Variants in STK3 observed in about 807,000 individuals in gnomAD.
The protein encoded by STK3 is serine/threonine kinase 3.
Under a neutral mutation model 58.0 loss-of-function variants are expected in STK3, and 41 were observed. That is an observed-to-expected ratio of 0.71 (90% CI 0.55 to 0.92). The LOEUF is 0.92. Among genes scored for constraint, STK3 ranks in the 40% least tolerant of loss-of-function variants. The pLI is 0.00. For synonymous variants in STK3, 170 were observed against 191.0 expected (o/e 0.89, Z 0.91); for missense variants, 479 against 602.7 (o/e 0.79, Z 2.15).
At chr8:98,939,894 T>C (rs903197865) in intron 1 of STK3, among the ~76,000 whole-genome samples, 1 of 152,184 alleles carries the variant, frequency 6.6e-6, no homozygotes, top group Non-Finnish European at 1.5e-5. Context: ...TCCCCGGATG[T>C]GTCTGGGGCC....
At chr8:98,780,573 T>A (rs1441328403) in intron 1 of STK3, among the ~76,000 whole-genome samples, 1 of 152,156 alleles carries the variant, frequency 6.6e-6, no homozygotes, top group African/African-American at 2.4e-5. Flanking sequence ...GCAGTCTATT[T>A]GATTTTTTGC....
At position 98,765,469 on chromosome 8, in the gene STK3, T is replaced by C. The variant is rs886768589; in HGVS notation, c.236+1774A>G. ...TATTGTTAGGAGTGAAAGCTTTCCA[T>C]AAATCTCTAATTACAGGGCCCTGAA... On this transcript the variant is annotated intron_variant, in intron 3 of 10. Coordinates refer to ENST00000419617, the MANE Select transcript of STK3 (RefSeq NM_006281.4). 2.6e-5 allele frequency among the ~76,000 whole-genome samples: 4 copies of C among 152,180 alleles called. No individual in the cohort carries two copies. In the East Asian group the frequency reaches 5.8e-4, roughly 22 times the overall value.
At chr8:98,424,227 C>T (rs974534971) in intron 3 of STK3, among the ~76,000 whole-genome samples, 3 of 152,246 alleles carry the variant, frequency 2.0e-5, no homozygotes, top group Admixed American at 6.5e-5. Context: ...AACTGATGTG[C>T]CCCACATTGG....
the STK3 span, among the ~76,000 whole-genome samples, chr8:98,360,621 A>T: frequency 9.5e-3 from 1,446 of 151,982 alleles, 16 homozygotes; most frequent in African/African-American, 0.033. Flanking sequence ...TGTCAGATAC[A>T]TTTGGCCGTT....
intron 1 of STK3, among the ~76,000 whole-genome samples, chr8:98,812,280 T>C (rs1408824163): frequency 2.0e-5 from 3 of 152,190 alleles, no homozygotes; most frequent in Non-Finnish European, 4.4e-5. Context: ...GTGTTTCTCA[T>C]GAAAAAATGT....
chr8:98,666,876 A>G (rs977973724), intron 6 of STK3, among the ~76,000 whole-genome samples: 1 of 152,216 alleles, frequency 6.6e-6, no homozygotes, highest in African/African-American at 2.4e-5. Context: ...TAGAAAAGAT[A>G]ACATTTGTGT....
intron 7 of STK3, chr8:98,595,791 G>T: frequency 2.7e-6 from 1 of 370,844 alleles, no homozygotes. Context: ...ATGAGAAATA[G>T]TAACTATGAA....
intron 10 of STK3, among the ~76,000 whole-genome samples, chr8:98,525,528 A>G (rs759842267): frequency 2.6e-5 from 4 of 152,140 alleles, no homozygotes; most frequent in Non-Finnish European, 5.9e-5. Flanking sequence ...TAAAGCTTAA[A>G]TGTCAGCATT....
intron 8 of STK3, among the ~76,000 whole-genome samples, chr8:98,566,959 T>A (rs1233167635): frequency 6.6e-6 from 1 of 151,966 alleles, no homozygotes; most frequent in Non-Finnish European, 1.5e-5. Flanking sequence ...GCCAAATGAA[T>A]CCCTCAAACT....
intron 6 of STK3, among the ~76,000 whole-genome samples, chr8:98,623,939 A>G (rs192673040): frequency 1.3e-5 from 2 of 152,358 alleles, no homozygotes; most frequent in East Asian, 3.9e-4. Flanking sequence ...GTTGTTGTTT[A>G]AATCACCCAG....
chr8:98,936,896 G>C (rs1357209107), intron 1 of STK3, among the ~76,000 whole-genome samples: 5 of 152,254 alleles, frequency 3.3e-5, no homozygotes, highest in Non-Finnish European at 7.3e-5. Flanking sequence ...TGGTATGGGG[G>C]AAAGGACAAG....
At chr8:98,716,152 G>C (rs962894483) in intron 4 of STK3, among the ~76,000 whole-genome samples, 1 of 152,242 alleles carries the variant, frequency 6.6e-6, no homozygotes, top group South Asian at 2.1e-4. Flanking sequence ...GGGGAGTGGG[G>C]AGCGATAGCA....
At chr8:98,451,661 T>C (rs923177947), downstream of STK3, among the ~76,000 whole-genome samples, 3 of 151,932 alleles carry the variant, frequency 2.0e-5, no homozygotes, top group Admixed American at 6.6e-5. Context: ...CCTCTTGGAG[T>C]CTTTCTGGGA....
chr8:98,548,017 T>C lies in STK3; in HGVS notation c.1093A>G (p.Met365Val), dbSNP rs753775021. ...TCCTCATCCTCACTGTTTATCACCA[T>C]GGTCCCCAAGTCGGATTCCAACATC... Reference protein sequence around the residue: ...STMLESDLGTMVINSEDEEEE... With the variant: ...STMLESDLGTVVINSEDEEEE... The change falls in exon 9 of 11, where the codon ATG (methionine) becomes GTG (valine). Residue 365 changes from methionine to valine, a missense_variant. Transcript: ENST00000419617. 1.9e-6 allele frequency: 3 copies of C among 1,609,616 alleles called. No individual in the cohort carries two copies. Among genetic ancestry groups the C allele is most frequent in the Non-Finnish European group, 2.5e-6 (3 of 1,178,052 alleles).
intron 1 of STK3, among the ~76,000 whole-genome samples, chr8:98,445,793 C>T (rs1818917927): frequency 6.6e-6 from 1 of 152,162 alleles, no homozygotes. Context: ...CCTTTTTCCC[C>T]AACACCTAAC....
chr8:98,424,311 A>G (rs1001905728), intron 3 of STK3, among the ~76,000 whole-genome samples: 2 of 152,230 alleles, frequency 1.3e-5, no homozygotes, highest in African/African-American at 4.8e-5. Flanking sequence ...CCCTGACCCC[A>G]AACTCACAGA....
At chr8:98,485,884 A>G (rs1333928622) in intron 10 of STK3, among the ~76,000 whole-genome samples, 1 of 152,248 alleles carries the variant, frequency 6.6e-6, no homozygotes, top group Non-Finnish European at 1.5e-5. Flanking sequence ...GAAAGTCTCA[A>G]AGTGAATGAC....
Position 98,375,470 on chromosome 8 carries a change from C to G in STK3, n.111+3683G>C, listed in dbSNP as rs559096619. On this transcript the variant is annotated intron_variant and non_coding_transcript_variant, in intron 2 of 2. Coordinates refer to the STK3 transcript ENST00000518704. ...ACCCTTTTGTAGAGTAGAATTTTAA[C>G]ATACAGATTCATTTAATACTACTAT... Among the ~76,000 whole-genome samples, 6 of 152,190 alleles carry G rather than the reference C, an allele frequency of 3.9e-5. 1 individual carries two copies. Among genetic ancestry groups the G allele is most frequent in the African/African-American group, 1.4e-4 (6 of 41,520 alleles).
intron 1 of STK3, among the ~76,000 whole-genome samples, chr8:98,941,167 G>C (rs1170943915): frequency 6.6e-6 from 1 of 152,244 alleles, no homozygotes; most frequent in Non-Finnish European, 1.5e-5. Flanking sequence ...TGCAGCCCGC[G>C]GCTGCGCTTT....
Sources: allele counts gnomAD v4.1 joint callset (sites outside exome capture counted in the v4.1 genomes callset), GRCh38; gene constraint gnomAD v4.1.1; transcripts MANE v1.5; gene names NCBI Gene and HGNC (gene_info 2026-07-23, HGNC 2026-07-21).